Variants in SMARCA1 observed in about 807,000 individuals in gnomAD.
SMARCA1 encodes SWI/SNF-related matrix-associated actin-dependent regulator of chromatin subfamily A member 1.
Under a neutral mutation model 93.6 loss-of-function variants are expected in SMARCA1, and 17 were observed. The observed-to-expected ratio is 0.18, with a 90% CI of 0.12 to 0.27. SMARCA1 has a LOEUF of 0.27. SMARCA1 is among the 10% of genes least tolerant of loss of function. The pLI is 1.00. For synonymous variants in SMARCA1, 271 were observed against 271.4 expected (o/e 1.00, Z 0.01); for missense variants, 630 against 819.0 (o/e 0.77, Z 2.82).
chrX:129,497,708 T>C, intron 11 of SMARCA1, 137 bp downstream of exon 11: 1 of 459,739 alleles, frequency 2.2e-6, no homozygotes, highest in Non-Finnish European at 3.8e-6. Flanking sequence ...ACCCAGCCTG[T>C]AGGACAATTC....
chrX:129,479,842 C>T (rs1320797728), intron 19 of SMARCA1, among the ~76,000 whole-genome samples: 5 of 110,213 alleles, frequency 4.5e-5, no homozygotes, highest in Admixed American at 9.7e-5. Context: ...GGATTATAGG[C>T]GCTTGCCACC....
At chrX:129,514,908 G>A (rs1380794566) in intron 5 of SMARCA1, among the ~76,000 whole-genome samples, 1 of 110,772 alleles carries the variant, frequency 9.0e-6, no homozygotes, top group Non-Finnish European at 1.9e-5. Context: ...AAATTAGCCG[G>A]ACGTGGTGGC....
intron 19 of SMARCA1, among the ~76,000 whole-genome samples, chrX:129,472,898 T>C (rs916537859): frequency 7.2e-5 from 8 of 111,784 alleles, no homozygotes; most frequent in Non-Finnish European, 1.3e-4. Flanking sequence ...GATTTTTGAA[T>C]GAGGGAAACT....
At chrX:129,497,488 T>C (rs1266041643) in intron 11 of SMARCA1, among the ~76,000 whole-genome samples, 1 of 111,906 alleles carries the variant, frequency 8.9e-6, no homozygotes, top group Non-Finnish European at 1.9e-5. Context: ...TCTGTTTCAT[T>C]ACCCTGGAAA....
At chrX:129,497,190 G>A (rs1409693053) in intron 11 of SMARCA1, among the ~76,000 whole-genome samples, 2 of 110,815 alleles carry the variant, frequency 1.8e-5, no homozygotes. Context: ...CTGGACTACA[G>A]CAATAGTCTC....
chrX:129,460,612 A>G (rs1362038951), intron 23 of SMARCA1, among the ~76,000 whole-genome samples: 1 of 111,655 alleles, frequency 9.0e-6, no homozygotes, highest in African/African-American at 3.3e-5. Context: ...GAAAAAAAAA[A>G]TTAGCTGTTA....
chrX:129,454,384 A>G (rs759378486), intron 23 of SMARCA1, among the ~76,000 whole-genome samples: 4 of 112,502 alleles, frequency 3.6e-5, no homozygotes, highest in South Asian at 3.7e-4. Context: ...AGGCTTGGGC[A>G]AAGACTTCGT....
At chrX:129,504,364 A>G (rs1335922352) in intron 9 of SMARCA1, among the ~76,000 whole-genome samples, 1 of 109,648 alleles carries the variant, frequency 9.1e-6, no homozygotes, top group African/African-American at 3.3e-5. Flanking sequence ...AGCTTTATAC[A>G]TGACAGTGGA....
Position 129,512,000 on chromosome X carries a change from A to G in SMARCA1, c.631-17T>C, listed in dbSNP as rs753109808. ...CCCAAGGCCCTGCATTATCATCACAAGGAAAAAAATCCATGAACATTTTTT... is the reference window on the plus strand; with the variant it reads ...CCCAAGGCCCTGCATTATCATCACAGGGAAAAAAATCCATGAACATTTTTT... On this transcript the variant is annotated splice_polypyrimidine_tract_variant and intron_variant, in intron 5 of 24. Transcript: ENST00000371121. 6.1e-6 allele frequency: 7 copies of G among 1,143,557 alleles called. No homozygotes were observed. In the South Asian group the frequency reaches 1.5e-4, roughly 24 times the overall value. The allele number at this position is 1,143,557 out of a possible 1,213,427, so 94.2% of individuals were successfully genotyped here.
intron 13 of SMARCA1, among the ~76,000 whole-genome samples, chrX:129,492,447 T>G (rs1400189415): frequency 9.0e-6 from 1 of 111,630 alleles, no homozygotes; most frequent in Admixed American, 9.6e-5. Context: ...AATGAAAACG[T>G]TTTGAGTGAG....
Position 129,460,265 on chromosome X carries a change from C to A in SMARCA1, c.3030+5255G>T, listed in dbSNP as rs187681228. ...ATTTTAATTCTATAGTCAAGAAGAA[C>A]CCATCAGTACATTTTACAGTTTATT... On this transcript the variant is annotated intron_variant, in intron 23 of 24. Transcript: ENST00000371121. 4.2e-3 allele frequency among the ~76,000 whole-genome samples: 472 copies of A among 111,744 alleles called. 1 individual carries two copies. The highest frequency in any genetic ancestry group is 0.015 in the African/African-American group (451 of 30,765).
At chrX:129,477,239 G>A (rs112164110) in intron 19 of SMARCA1, among the ~76,000 whole-genome samples, 5,638 of 111,294 alleles carry the variant, frequency 0.051, 342 homozygotes, top group African/African-American at 0.18. Flanking sequence ...TCTCTGCATC[G>A]CAGCCAAAGT....
chrX:129,515,568 C>T, intron 5 of SMARCA1, 119 bp downstream of exon 5: 1 of 513,511 alleles, frequency 1.9e-6, no homozygotes, highest in Non-Finnish European at 3.5e-6. Flanking sequence ...ATACCTTTTA[C>T]ATGATAACAA....
intron 5 of SMARCA1, among the ~76,000 whole-genome samples, chrX:129,514,091 G>A (rs1935106283): frequency 2.7e-5 from 3 of 112,944 alleles, no homozygotes; most frequent in Non-Finnish European, 5.6e-5. Flanking sequence ...ACTTTGGGAG[G>A]CCAAGGCGGG....
intron 17 of SMARCA1, among the ~76,000 whole-genome samples, chrX:129,483,016 C>T (rs932223298): frequency 8.9e-6 from 1 of 111,981 alleles, no homozygotes. Flanking sequence ...ACAGACACAA[C>T]GGTGACATTC....
At chrX:129,498,122 T>C (rs1358341380) in intron 10 of SMARCA1, 51 bp from the exon 11 acceptor site, 2 of 717,909 alleles carry the variant, frequency 2.8e-6, no homozygotes, top group South Asian at 2.3e-5. Context: ...GTTAATGTCA[T>C]AAACAAATGT....
At chrX:129,460,963 T>C (rs559268984) in intron 23 of SMARCA1, among the ~76,000 whole-genome samples, 3 of 112,440 alleles carry the variant, frequency 2.7e-5, no homozygotes, top group African/African-American at 9.7e-5. Context: ...AATGTCATTT[T>C]CTTACCTTTT....
rs761711034 is a variant in SMARCA1 at position 129,471,402 on chromosome X, T to A, written c.2443-76A>T. 213 of 636,601 alleles carry A rather than the reference T, an allele frequency of 3.3e-4. No individual in the cohort carries two copies. In the East Asian group the frequency reaches 7.2e-3, roughly 22 times the overall value. The allele number at this position is 636,601 out of a possible 1,213,427, so 52.5% of individuals were successfully genotyped here. A position where few individuals can be genotyped will look rare whatever the true frequency, so the allele number is the denominator to read the frequency against. The stretch of plus-strand genomic sequence containing the variant: ...CTAAGGCTGTATATACACATATCAA[T>A]CTTTAGAGTTATTTCAAGAGTAAAC... On this transcript the variant is annotated intron_variant, in intron 19 of 24. Coordinates refer to ENST00000371121, the MANE Select transcript of SMARCA1 (RefSeq NM_001282874.2).
At chrX:129,508,140 A>C in intron 6 of SMARCA1, 44 bp from the exon 7 acceptor site, 1 of 751,409 alleles carries the variant, frequency 1.3e-6, no homozygotes, top group Non-Finnish European at 1.9e-6. Flanking sequence ...TATTTATATT[A>C]GAATATGTTA....
Sources: gnomAD v4.1 joint callset for allele counts (sites outside exome capture counted in the v4.1 genomes callset) on GRCh38, gnomAD v4.1.1 for gene constraint, MANE v1.5 for transcripts, NCBI Gene and HGNC (gene_info 2026-07-23, HGNC 2026-07-21) for gene names.